The following ACACA variants were observed in gnomAD, a reference collection of about 807,000 sequenced individuals.
ACACA encodes the protein acetyl-CoA carboxylase 1.
Under a neutral mutation model 296.1 loss-of-function variants are expected in ACACA, and 103 were observed. That is an observed-to-expected ratio of 0.35 (90% CI 0.30 to 0.41). ACACA has a LOEUF of 0.41. Ranked by LOEUF, ACACA falls within the 10% of genes least tolerant of loss-of-function variation. The pLI, the probability that ACACA is intolerant of heterozygous loss-of-function variation, is 1.00. For missense variants in ACACA, 1,554 were observed against 2,989.7 expected, an observed-to-expected ratio of 0.52 and a Z score of 11.20; for synonymous variants, 953 against 1,038.6, an observed-to-expected ratio of 0.92 and a Z score of 1.58.
intron 54 of ACACA, among the ~76,000 whole-genome samples, chr17:37,094,695 C>T (rs533767015): frequency 6.6e-6 from 1 of 152,274 alleles, no homozygotes; most frequent in East Asian, 1.9e-4. Flanking sequence ...TATCACCCAC[C>T]TCACACTAAA....
chr17:37,331,594 G>C (rs1197897325), intron 2 of ACACA, among the ~76,000 whole-genome samples: 2 of 152,122 alleles, frequency 1.3e-5, no homozygotes, highest in South Asian at 2.1e-4. Flanking sequence ...TTTTAGTAGA[G>C]ATGGAGTTTC....
chr17:37,258,698 AACAG>A (rs1177196436), intron 12 of ACACA, among the ~76,000 whole-genome samples: 2 of 152,192 alleles, frequency 1.3e-5, no homozygotes, highest in Non-Finnish European at 2.9e-5. Flanking sequence ...GCCATCCAAA[AACAG>A]ACAGCTAGAA....
intron 29 of ACACA, among the ~76,000 whole-genome samples, chr17:37,215,089 T>C (rs957470488): frequency 6.6e-6 from 1 of 152,180 alleles, no homozygotes; most frequent in Non-Finnish European, 1.5e-5. Context: ...AACTCAGCCA[T>C]GACCAAAACA....
At chr17:37,246,084 T>C (rs1346795265) in intron 19 of ACACA, among the ~76,000 whole-genome samples, 1 of 152,222 alleles carries the variant, frequency 6.6e-6, no homozygotes, top group Non-Finnish European at 1.5e-5. Context: ...TCACTATCTG[T>C]CTTTCAAAAC....
Position 37,258,275 on chromosome 17 carries a change from T to C in ACACA, c.1599A>G (p.Ala533=), listed in dbSNP as rs1430199581. ...GDSPIDFEDS[A]HVPCPRGHVI... ...CATGGCCCCTTGGACAAGGAACGTG[T>C]GCAGAATCTTCAAAATCAATGGGAG... The change falls in exon 13 of 56, where the codon GCA becomes GCG. Residue 533 remains alanine (A), a synonymous_variant. Transcript: ENST00000616317. 1 of 1,614,040 alleles carries C rather than the reference T, an allele frequency of 6.2e-7. No homozygotes were observed. Among genetic ancestry groups the C allele is most frequent in the Non-Finnish European group, 8.5e-7 (1 of 1,180,016 alleles).
intron 1 of ACACA, among the ~76,000 whole-genome samples, chr17:37,342,541 G>A (rs1332429900): frequency 7.2e-6 from 1 of 139,812 alleles, no homozygotes; most frequent in Non-Finnish European, 1.5e-5. Flanking sequence ...TACATATAAT[G>A]TATTATTCAG....
intron 52 of ACACA, among the ~76,000 whole-genome samples, chr17:37,108,909 G>A (rs2142982491): frequency 6.6e-6 from 1 of 152,346 alleles, no homozygotes; most frequent in South Asian, 2.1e-4. Flanking sequence ...TCAGTATTCA[G>A]TTGAGGAAAA....
At chr17:37,145,639 C>G (rs1042136544) in intron 45 of ACACA, among the ~76,000 whole-genome samples, 3 of 152,212 alleles carry the variant, frequency 2.0e-5, no homozygotes, top group African/African-American at 2.4e-5. Context: ...TAGTCTCTCT[C>G]AATGAAACTA....
chr17:37,358,561 T>C (rs2049250916), intron 1 of ACACA, among the ~76,000 whole-genome samples: 1 of 152,190 alleles, frequency 6.6e-6, no homozygotes, highest in South Asian at 2.1e-4. Flanking sequence ...GGACTTTCAA[T>C]GCAATCAGAC....
chr17:37,246,958 G>T lies in ACACA; in HGVS notation c.2328C>A (p.Gly776=). ...CCTTCTCAAACACACAGGTTTTATTGCCAATTGTGATGCGATATCTAGGAG... is the reference window on the plus strand; with the variant it reads ...CCTTCTCAAACACACAGGTTTTATTTCCAATTGTGATGCGATATCTAGGAG... ...EEVDRYRITI[G]NKTCVFEKEN... is the part of the protein sequence containing the mutation. Residue 776 remains glycine (G), a synonymous_variant, in exon 19 of 56, where the codon GGC becomes GGA. Transcript: ENST00000616317. 1 of 1,613,972 alleles carries T rather than the reference G, an allele frequency of 6.2e-7. No homozygotes were observed. The highest frequency in any genetic ancestry group is 1.1e-5 in the South Asian group (1 of 91,060).
intron 11 of ACACA, among the ~76,000 whole-genome samples, chr17:37,262,684 A>C (rs559653812): frequency 9.2e-5 from 14 of 152,270 alleles, no homozygotes; most frequent in Middle Eastern, 6.8e-3. Flanking sequence ...ACTATGATGA[A>C]AGAGAAATAG....
At chr17:37,349,386 TA>T (rs961245785) in intron 1 of ACACA, among the ~76,000 whole-genome samples, 1 of 147,278 alleles carries the variant, frequency 6.8e-6, no homozygotes, top group African/African-American at 2.5e-5. Context: ...TACATATATA[TA>T]TATATATAAA....
chr17:37,332,910 GAAA>G (rs58422225), intron 2 of ACACA, among the ~76,000 whole-genome samples: 1 of 76,896 alleles, frequency 1.3e-5, no homozygotes, highest in African/African-American at 4.7e-5. Context: ...ACTCTGTCTA[GAAA>G]AAAAAAAAAA....
At position 37,260,284 on chromosome 17, in the gene ACACA, ATATATATATATATTTTT is replaced by A. The variant is rs1448925201; in HGVS notation, c.1330-771_1330-755del. Among the ~76,000 whole-genome samples the A allele has an allele frequency of 5.7e-3, 246 of 43,430 alleles. 25 individuals are homozygous for A. Among genetic ancestry groups the A allele is most frequent in the South Asian group, 0.032 (29 of 916 alleles). The allele number at this position is 43,430 out of a possible 152,430, so 28.5% of individuals were successfully genotyped here. ...TATATATATATATATATATATATAT[ATATATATATATATTTTT>A]TTTTTTTTTTTTTTTGGAGATGGAG... On this transcript the variant is annotated intron_variant, in intron 11 of 55. Coordinates refer to ENST00000616317, the MANE Select transcript of ACACA (RefSeq NM_198834.3).
Position 37,129,543 on chromosome 17 carries a change from C to T in ACACA, c.5824-58G>A, listed in dbSNP as rs1235413072. Reference sequence around the variant, plus strand: ...AGTGAACGACAGCCCTAGACTCCAACTCAGCAACAATAGTTATAGACAAAG... The same window carrying T: ...AGTGAACGACAGCCCTAGACTCCAATTCAGCAACAATAGTTATAGACAAAG... On this transcript the variant is annotated intron_variant, in intron 46 of 55. Coordinates refer to ENST00000616317, the MANE Select transcript of ACACA (RefSeq NM_198834.3). 6.8e-6 allele frequency: 11 copies of T among 1,609,558 alleles called. No homozygotes were observed. The African/African-American group carries it at 1.1e-4, about 16-fold the overall frequency.
At chr17:37,126,535 G>T (rs1288387564) in intron 47 of ACACA, among the ~76,000 whole-genome samples, 1 of 152,058 alleles carries the variant, frequency 6.6e-6, no homozygotes, top group Non-Finnish European at 1.5e-5. Context: ...AGGTATAAAT[G>T]TTTGACCAAA....
At chr17:37,264,983 C>T (rs2081687633) in intron 10 of ACACA, among the ~76,000 whole-genome samples, 1 of 152,170 alleles carries the variant, frequency 6.6e-6, no homozygotes, top group African/African-American at 2.4e-5. Flanking sequence ...GTGCTGACTG[C>T]TGGCTGGTAG....
At chr17:37,154,430 G>T (rs1024911745) in intron 43 of ACACA, among the ~76,000 whole-genome samples, 1 of 152,094 alleles carries the variant, frequency 6.6e-6, no homozygotes, top group Non-Finnish European at 1.5e-5. Flanking sequence ...TAGCCCAAGA[G>T]CAGACAGACA....
At chr17:37,396,172 T>C (rs1489706824) in intron 1 of ACACA, among the ~76,000 whole-genome samples, 2 of 151,950 alleles carry the variant, frequency 1.3e-5, no homozygotes, top group Non-Finnish European at 2.9e-5. Flanking sequence ...AAACCCTGTC[T>C]CTACTAAAAG....
Sources: allele counts gnomAD v4.1 joint callset (sites outside exome capture counted in the v4.1 genomes callset), GRCh38; gene constraint gnomAD v4.1.1; transcripts MANE v1.5; gene names NCBI Gene and HGNC (gene_info 2026-07-23, HGNC 2026-07-21).